The following EFHC2 variants were observed in gnomAD, a reference collection of about 807,000 sequenced individuals.
The protein encoded by EFHC2 is EF-hand domain containing 2.
In EFHC2, 18 loss-of-function variants were observed where a neutral mutation model predicts 52.7. The ratio of observed to expected loss-of-function variants is 0.34; its 90% CI spans 0.24 to 0.51. EFHC2 has a LOEUF of 0.51. Among genes scored for constraint, EFHC2 ranks in the 20% least tolerant of loss-of-function variants. The probability of loss-of-function intolerance (pLI) is 0.97; values close to 1 mark genes in which losing one functional copy is unlikely to be tolerated. For synonymous variants in EFHC2, 203 were observed against 204.1 expected (o/e 0.99, Z 0.04); for missense variants, 513 against 562.5 (o/e 0.91, Z 0.89).
In EFHC2 at chrX:44,229,630, T is replaced by C. The variant is rs753553519; in HGVS notation, c.1751+19A>G. ...ACCTTGAGGGGAAAACAGGTGATTG[T>C]TAGCAGAATATGGCTTACCTGAATG... On this transcript the variant is annotated intron_variant, in intron 11 of 14. Transcript: ENST00000420999. 9 of 1,210,447 alleles carry C rather than the reference T, an allele frequency of 7.4e-6. No homozygotes were observed. The highest frequency in any genetic ancestry group is 2.3e-4 in the Middle Eastern group (1 of 4,334).
At position 44,215,388 on chromosome X, in the gene EFHC2, GA is replaced by G. The variant is rs748480405; in HGVS notation, c.1751+14260del. Among the ~76,000 whole-genome samples the G allele has an allele frequency of 9.1e-5, 10 of 109,831 alleles. 1 individual carries two copies. Among genetic ancestry groups the G allele is most frequent in the Non-Finnish European group, 1.1e-4 (6 of 52,622 alleles). Reference sequence around the variant, plus strand: ...GCACCAAAAATATCAAATATCTAGGGAAAAATCTAATGAAAGATGTAGAAAA... The same window carrying G: ...GCACCAAAAATATCAAATATCTAGGGAAAATCTAATGAAAGATGTAGAAAA... On this transcript the variant is annotated intron_variant, in intron 11 of 14. Transcript: ENST00000420999.
At chrX:44,193,871 G>T (rs1271102369) in intron 11 of EFHC2, among the ~76,000 whole-genome samples, 5 of 112,117 alleles carry the variant, frequency 4.5e-5, no homozygotes, top group African/African-American at 1.6e-4. Flanking sequence ...AGCCAAATTT[G>T]GGATAGGTGT....
chrX:44,180,320 A>G (rs1291644150), intron 11 of EFHC2, among the ~76,000 whole-genome samples: 2 of 112,249 alleles, frequency 1.8e-5, no homozygotes, highest in Admixed American at 1.9e-4. Flanking sequence ...GTCACCAACC[A>G]TCTCTGACAG....
At chrX:44,168,922 A>G (rs529912847) in intron 13 of EFHC2, among the ~76,000 whole-genome samples, 2 of 110,615 alleles carry the variant, frequency 1.8e-5, no homozygotes, top group East Asian at 2.9e-4. Flanking sequence ...CCACTAATCA[A>G]CAAACCCCTT....
intron 2 of EFHC2, chrX:44,284,245 C>G (rs186560881): frequency 1.8e-5 from 2 of 111,999 alleles, no homozygotes; most frequent in Non-Finnish European, 3.8e-5. Flanking sequence ...TCCTTTCGTC[C>G]TTGTGATCCC....
intron 11 of EFHC2, among the ~76,000 whole-genome samples, chrX:44,223,338 A>G (rs1203123865): frequency 2.7e-5 from 3 of 112,371 alleles, no homozygotes; most frequent in African/African-American, 9.7e-5. Flanking sequence ...CTTGGCAGCA[A>G]TGCAAGTGCA....
chrX:44,198,775 C>T (rs1185147117), intron 11 of EFHC2, among the ~76,000 whole-genome samples: 2 of 110,971 alleles, frequency 1.8e-5, no homozygotes, highest in African/African-American at 6.6e-5. Flanking sequence ...GCACAAACGA[C>T]AAGACCTCCA....
intron 11 of EFHC2, among the ~76,000 whole-genome samples, chrX:44,194,213 G>A (rs2036944504): frequency 9.4e-6 from 1 of 106,510 alleles, no homozygotes; most frequent in Non-Finnish European, 1.9e-5. Context: ...TATGAAGTAG[G>A]AGAATTTCTT....
At chrX:44,185,705 T>C (rs1360473829) in intron 11 of EFHC2, among the ~76,000 whole-genome samples, 2 of 110,407 alleles carry the variant, frequency 1.8e-5, no homozygotes, top group South Asian at 3.9e-4. Flanking sequence ...CTTGGCTAAT[T>C]TTTAAACTTT....
At chrX:44,259,449 T>G (rs753125982) in intron 4 of EFHC2, among the ~76,000 whole-genome samples, 5 of 111,465 alleles carry the variant, frequency 4.5e-5, no homozygotes, top group African/African-American at 1.6e-4. Flanking sequence ...CTAAAGTAGA[T>G]GATGGGTTGA....
intron 11 of EFHC2, among the ~76,000 whole-genome samples, chrX:44,216,564 T>A (rs1392999262): frequency 2.7e-5 from 3 of 110,824 alleles, no homozygotes; most frequent in Non-Finnish European, 3.8e-5. Context: ...TACATATGAG[T>A]CACAAGCCCA....
At chrX:44,321,583 GCAGCTGGTAAGATGGGAAGAACAC>G (rs1229322997) in intron 1 of EFHC2, among the ~76,000 whole-genome samples, 2 of 111,617 alleles carry the variant, frequency 1.8e-5, no homozygotes, top group Non-Finnish European at 3.8e-5. Flanking sequence ...CTAAAAAGGG[GCAGCTGGTAAGATGGGAAGAACAC>G]CAGGAGAGTT....
intron 1 of EFHC2, among the ~76,000 whole-genome samples, chrX:44,316,862 G>A (rs1160264499): frequency 5.4e-5 from 6 of 111,968 alleles, no homozygotes; most frequent in African/African-American, 1.6e-4. Flanking sequence ...CTGTCACCAC[G>A]ACAGTTACTA....
chrX:44,150,041 GTTAA>G lies in EFHC2; in HGVS notation c.2149-1149_2149-1146del, dbSNP rs776659393. Among the ~76,000 whole-genome samples the G allele has an allele frequency of 7.2e-5, 8 of 111,656 alleles. No homozygotes were observed. The South Asian group carries it at 3.0e-3, about 42-fold the overall frequency. On this transcript the variant is annotated intron_variant, in intron 14 of 14. Transcript: ENST00000420999. ...CAAACTTTTTGCATATGCCTCAATG[GTTAA>G]TTAATATCAACAGGAGGCAAAGTTC...
Position 44,148,875 on chromosome X carries a change from C to T in EFHC2, c.2170G>A (p.Gly724Ser), listed in dbSNP as rs1480925076. 8.5e-7 allele frequency: 1 copy of T among 1,180,302 alleles called. No individual in the cohort carries two copies. The highest frequency in any genetic ancestry group is 2.4e-5 in the Admixed American group (1 of 41,419). The change falls in exon 15 of 15, where the codon GGT becomes AGT. Residue 724 changes from glycine (G) to serine (S), a missense_variant. Gly to Ser is a moderately conservative substitution (Grantham distance 56, BLOSUM62 0). Transcript: ENST00000420999. The stretch of plus-strand genomic sequence containing the variant: ...TTCGCAGGAATAGGTGATGGCATAC[C>T]AAGCCAAACATCTTCACATCTCTAG... ...LKERCEDVWLGMPSPIPAKYI... is the reference protein window; with the variant it reads ...LKERCEDVWLSMPSPIPAKYI...
At chrX:44,272,206 G>A (rs1341509659) in intron 3 of EFHC2, among the ~76,000 whole-genome samples, 2 of 112,122 alleles carry the variant, frequency 1.8e-5, no homozygotes, top group Admixed American at 9.5e-5. Flanking sequence ...TGACTCTCTG[G>A]TGAGGTACCA....
chrX:44,214,122 G>C (rs2037124352), intron 11 of EFHC2, among the ~76,000 whole-genome samples: 1 of 111,291 alleles, frequency 9.0e-6, no homozygotes, highest in South Asian at 3.8e-4. Flanking sequence ...ATAGGTAATG[G>C]GAATACTAGA....
chrX:44,215,897 A>G (rs1390599087), intron 11 of EFHC2, among the ~76,000 whole-genome samples: 1 of 111,344 alleles, frequency 9.0e-6, no homozygotes, highest in Non-Finnish European at 1.9e-5. Context: ...ATCTATATAT[A>G]TCCACATACA....
intron 12 of EFHC2, among the ~76,000 whole-genome samples, chrX:44,178,129 T>TCACACACACACACA (rs201977577): frequency 0.066 from 5,500 of 83,818 alleles, 224 homozygotes; most frequent in Middle Eastern, 0.08. Context: ...AGATGCCATA[T>TCACACACACACACA]CACACACACA....
Sources: gnomAD v4.1 joint callset for allele counts (sites outside exome capture counted in the v4.1 genomes callset) on GRCh38, gnomAD v4.1.1 for gene constraint, MANE v1.5 for transcripts, NCBI Gene and HGNC (gene_info 2026-07-23, HGNC 2026-07-21) for gene names.